ODAD3: variants seen among roughly 807,000 people sequenced by gnomAD.
The protein encoded by ODAD3 is outer dynein arm-docking complex subunit 3.
Under a neutral mutation model 70.9 loss-of-function variants are expected in ODAD3, and 57 were observed. The ratio of observed to expected loss-of-function variants is 0.80; its 90% CI spans 0.65 to 1.00. The LOEUF (loss-of-function observed/expected upper bound fraction) is 1.00, where lower values mean the gene tolerates loss of function less well. Ranked by LOEUF, ODAD3 falls within the 50% of genes least tolerant of loss-of-function variation. The pLI, the probability that ODAD3 is intolerant of heterozygous loss-of-function variation, is 0.00. For synonymous variants in ODAD3, 327 were observed against 315.9 expected (o/e 1.04, Z -0.37); for missense variants, 797 against 763.9 (o/e 1.04, Z -0.51).
intron 7 of ODAD3, among the ~76,000 whole-genome samples, chr19:11,425,567 G>A (rs896275222): frequency 0.22 from 29,171 of 130,816 alleles, 3,853 homozygotes; most frequent in Non-Finnish European, 0.27. Context: ...ATATATGTGT[G>A]TATGTATGTA....
intron 3 of ODAD3, among the ~76,000 whole-genome samples, chr19:11,429,041 C>A (rs1356386872): frequency 2.6e-5 from 4 of 151,404 alleles, no homozygotes; most frequent in Admixed American, 2.0e-4. Flanking sequence ...CCATGCCCGG[C>A]TAATTTTTTG....
intron 7 of ODAD3, among the ~76,000 whole-genome samples, chr19:11,424,939 A>G (rs371735921): frequency 8.3e-6 from 1 of 120,850 alleles, no homozygotes; most frequent in Non-Finnish European, 1.6e-5. Context: ...GTATATATGT[A>G]TATATGTGTA....
chr19:11,421,250 G>A lies in ODAD3; in HGVS notation c.1591-38C>T, dbSNP rs748644493. 18 of 1,570,306 alleles carry A rather than the reference G, an allele frequency of 1.1e-5. 1 individual carries two copies. The South Asian group carries it at 2.1e-4, about 18-fold the overall frequency. ...GGGAAGCGAGAGAGGAAGGTGGGCG[G>A]GGCCAGGGGCCACCGAGAAGTCACG... On this transcript the variant is annotated intron_variant, in intron 11 of 12. Coordinates refer to ENST00000356392, the MANE Select transcript of ODAD3 (RefSeq NM_145045.5).
intron 3 of ODAD3, 89 bp downstream of exon 3, chr19:11,430,610 G>T (rs1969481605): frequency 1.7e-6 from 2 of 1,194,724 alleles, no homozygotes; most frequent in Non-Finnish European, 2.5e-6. Flanking sequence ...CTAGTGTGCA[G>T]GAAGGATTGG....
At position 11,422,001 on chromosome 19, in the gene ODAD3, A is replaced by G. The variant is rs558434508; in HGVS notation, c.1435-169T>C. 6.6e-6 allele frequency among the ~76,000 whole-genome samples: 1 copy of G among 151,824 alleles called. No individual in the cohort carries two copies. Among genetic ancestry groups the G allele is most frequent in the South Asian group, 2.1e-4 (1 of 4,808 alleles). On this transcript the variant is annotated intron_variant, in intron 10 of 12. Transcript: ENST00000356392. The surrounding 1 kb of genome is among the most constrained non-coding windows in gnomAD (Gnocchi z 4.6). ...GACTTAGGTCAAGGCCACGTCTGTGATGGGGGAGCCTCTGAACTCTAACTC... is the reference window on the plus strand; with the variant it reads ...GACTTAGGTCAAGGCCACGTCTGTGGTGGGGGAGCCTCTGAACTCTAACTC...
chr19:11,423,992 G>A lies in ODAD3; in HGVS notation c.1001C>T (p.Thr334Ile). 1 of 1,612,402 alleles carries A rather than the reference G, an allele frequency of 6.2e-7. No homozygotes were observed. Among genetic ancestry groups the A allele is most frequent in the Non-Finnish European group, 8.5e-7 (1 of 1,179,904 alleles). The change falls in exon 8 of 13, where the codon ACC (threonine) becomes ATC (isoleucine). Residue 334 changes from threonine (T) to isoleucine (I), a missense_variant. Physicochemically the swap from Thr to Ile is moderately conservative, Grantham distance 89. Coordinates refer to ENST00000356392, the MANE Select transcript of ODAD3 (RefSeq NM_145045.5). ...REHLLLQSDD[T>I]IQDSLHAKEE... Reference sequence around the variant, plus strand: ...CTTGGCATGCAGGCTGTCCTGGATGGTGTCGTCGGACTGTAGCAGCAGGTG... The same window carrying A: ...CTTGGCATGCAGGCTGTCCTGGATGATGTCGTCGGACTGTAGCAGCAGGTG...
In ODAD3 at chr19:11,425,403, A is replaced by ATATATACATATATGTG. The variant is rs1450879874; in HGVS notation, c.963+725_963+740dup. ...TGTGTATGTACATATGTGTATATGTATATATACATATATGTGTATATACAC... is the reference window on the plus strand; with the variant it reads ...TGTGTATGTACATATGTGTATATGTATATATACATATATGTGTATATACATATATGTGTATATACAC... On this transcript the variant is annotated intron_variant, in intron 7 of 12. Transcript: ENST00000356392. Among the ~76,000 whole-genome samples the ATATATACATATATGTG allele has an allele frequency of 4.9e-5, 6 of 123,698 alleles. 1 individual carries two copies. The highest frequency in any genetic ancestry group is 9.8e-5 in the Non-Finnish European group (6 of 61,534). The allele number at this position is 123,698 out of a possible 152,430, so 81.2% of individuals were successfully genotyped here. A position where few individuals can be genotyped will look rare whatever the true frequency, so the allele number is the denominator to read the frequency against.
chr19:11,424,400 G>A lies in ODAD3; in HGVS notation c.964-371C>T, dbSNP rs192963551. 3.3e-5 allele frequency among the ~76,000 whole-genome samples: 5 copies of A among 151,746 alleles called. No homozygotes were observed. The East Asian group carries it at 9.6e-4, about 29-fold the overall frequency. ...GCCTGAAGTCCCAGCTACTTGGGAG[G>A]CTGAGGTGAGAGGATCACTTGAGCC... On this transcript the variant is annotated intron_variant, in intron 7 of 12. Coordinates refer to ENST00000356392, the MANE Select transcript of ODAD3 (RefSeq NM_145045.5).
At chr19:11,426,839 G>A (rs1166504645) in intron 4 of ODAD3, 34 bp downstream of exon 4, 3 of 1,612,232 alleles carry the variant, frequency 1.9e-6, no homozygotes, top group East Asian at 2.2e-5. Flanking sequence ...CCTCCCACAC[G>A]ACCCTCTGCC....
chr19:11,422,449 G>T lies in ODAD3; in HGVS notation c.1434+22C>A. 6.5e-7 allele frequency: 1 copy of T among 1,547,264 alleles called. No homozygotes were observed. Among genetic ancestry groups the T allele is most frequent in the South Asian group, 1.2e-5 (1 of 83,394 alleles). ...TGCGGTCCCAGGAGGGCCTGTCGGGGCTTCCCCTGGGCGGGGCCTACCACA... is the reference window on the plus strand; with the variant it reads ...TGCGGTCCCAGGAGGGCCTGTCGGGTCTTCCCCTGGGCGGGGCCTACCACA... On this transcript the variant is annotated intron_variant, in intron 10 of 12. Coordinates refer to ENST00000356392, the MANE Select transcript of ODAD3 (RefSeq NM_145045.5). This position sits in a 1 kb window ranked among gnomAD's most constrained non-coding sequence, Gnocchi z 4.6.
At chr19:11,424,521 A>G (rs533005603) in intron 7 of ODAD3, among the ~76,000 whole-genome samples, 1,798 of 138,312 alleles carry the variant, frequency 0.013, 90 homozygotes, top group African/African-American at 0.052. Flanking sequence ...ATGTATATAT[A>G]TGTATATATG....
At chr19:11,427,276 T>A (rs953983629) in intron 3 of ODAD3, among the ~76,000 whole-genome samples, 4 of 151,836 alleles carry the variant, frequency 2.6e-5, no homozygotes, top group Non-Finnish European at 5.9e-5. Flanking sequence ...TCTAAAAAAA[T>A]ATTTTTAAAT....
intron 1 of ODAD3, among the ~76,000 whole-genome samples, chr19:11,434,238 A>C (rs34086): frequency 3.4e-5 from 5 of 148,118 alleles, no homozygotes; most frequent in East Asian, 2.0e-4. Context: ...AAACAAAAAA[A>C]AACGCGGGTG....
upstream of ODAD3, chr19:11,435,391 AT>A: frequency 7.3e-6 from 3 of 409,780 alleles, no homozygotes; most frequent in South Asian, 2.2e-5. Flanking sequence ...GTTCGCGGGC[AT>A]TTTTCAGGAA....
At chr19:11,425,517 A>ATGTG (rs1448272381) in intron 7 of ODAD3, among the ~76,000 whole-genome samples, 1 of 139,728 alleles carries the variant, frequency 7.2e-6, no homozygotes, top group African/African-American at 3.0e-5. Context: ...GTGTGTATAT[A>ATGTG]TGTATATATG....
intron 3 of ODAD3, 149 bp downstream of exon 3, chr19:11,430,550 C>G: frequency 1.3e-6 from 1 of 766,806 alleles, no homozygotes; most frequent in Non-Finnish European, 2.3e-6. Context: ...ATGCCAGATA[C>G]AAGGAAAGTG....
chr19:11,425,205 G>GTACATATGTGTATATA, intron 7 of ODAD3, among the ~76,000 whole-genome samples: 1 of 134,416 alleles, frequency 7.4e-6, no homozygotes, highest in South Asian at 2.3e-4. Flanking sequence ...ATGTGTATGT[G>GTACATATGTGTATATA]TACATATGTG....
intron 3 of ODAD3, among the ~76,000 whole-genome samples, chr19:11,429,207 GTTTGTTTGTTTTTGTTTT>G (rs1464884827): frequency 6.6e-6 from 1 of 151,110 alleles, no homozygotes; most frequent in Non-Finnish European, 1.5e-5. Context: ...GTTTTTGTTT[GTTTGTTTGTTTTTGTTTT>G]TTTGAGACAG....
chr19:11,435,781 T>G, upstream of ODAD3: 1 of 1,401,762 alleles, frequency 7.1e-7, no homozygotes, highest in Non-Finnish European at 9.4e-7. Context: ...TGTGTGGGTG[T>G]GGACGGCGGA....
Sources: gnomAD v4.1 joint callset for allele counts (sites outside exome capture counted in the v4.1 genomes callset) on GRCh38, gnomAD v4.1.1 for gene constraint, Gnocchi (gnomAD v3.1) non-coding constraint, MANE v1.5 for transcripts, NCBI Gene and HGNC (gene_info 2026-07-23, HGNC 2026-07-21) for gene names.